Variants in IL26 observed in about 807,000 individuals in gnomAD.
The protein encoded by IL26 is interleukin-26.
In IL26, 23 loss-of-function variants were observed where a neutral mutation model predicts 21.7. The observed-to-expected ratio is 1.06, with a 90% CI of 0.76 to 1.50. The LOEUF (loss-of-function observed/expected upper bound fraction) is 1.50, where lower values mean the gene tolerates loss of function less well. IL26 is among the 40% of genes most tolerant of loss of function. The pLI, the probability that IL26 is intolerant of heterozygous loss-of-function variation, is 0.00. For synonymous variants in IL26, 63 were observed against 67.8 expected, an observed-to-expected ratio of 0.93 and a Z score of 0.34; for missense variants, 204 against 196.0, an observed-to-expected ratio of 1.04 and a Z score of -0.24.
intron 3 of IL26, among the ~76,000 whole-genome samples, chr12:68,209,269 T>C (rs1321748953): frequency 1.3e-5 from 2 of 151,854 alleles, no homozygotes; most frequent in African/African-American, 2.4e-5. Flanking sequence ...CCAACACGAG[T>C]ACGGAGGCTG....
chr12:68,206,963 A>C (rs1287147492), intron 3 of IL26, among the ~76,000 whole-genome samples: 3 of 152,074 alleles, frequency 2.0e-5, no homozygotes, highest in Admixed American at 6.5e-5. Context: ...GCAGCTGTAG[A>C]TCCTTCATCT....
intron 3 of IL26, among the ~76,000 whole-genome samples, chr12:68,211,398 T>A (rs1868724922): frequency 1.3e-5 from 2 of 152,228 alleles, no homozygotes; most frequent in South Asian, 4.1e-4. Flanking sequence ...AAGAAATTGA[T>A]TTCCTTTCTT....
At chr12:68,223,072 T>C (rs1869104337) in intron 3 of IL26, among the ~76,000 whole-genome samples, 2 of 152,198 alleles carry the variant, frequency 1.3e-5, no homozygotes, top group African/African-American at 4.8e-5. Flanking sequence ...TGAAACATTA[T>C]AGACACCAGG....
At chr12:68,211,519 C>G (rs1868729470) in intron 3 of IL26, among the ~76,000 whole-genome samples, 1 of 152,142 alleles carries the variant, frequency 6.6e-6, no homozygotes, top group Non-Finnish European at 1.5e-5. Context: ...TTTACATTCC[C>G]ACCAACAGTG....
At chr12:68,209,239 G>A (rs1294254493) in intron 3 of IL26, among the ~76,000 whole-genome samples, 2 of 152,200 alleles carry the variant, frequency 1.3e-5, no homozygotes, top group Admixed American at 6.5e-5. Flanking sequence ...CAGTTTGAGA[G>A]AGAAAGTGAG....
chr12:68,223,438 C>G (rs1252046418), intron 3 of IL26, among the ~76,000 whole-genome samples: 1 of 152,166 alleles, frequency 6.6e-6, no homozygotes, highest in Admixed American at 6.6e-5. Context: ...CTAGACATAT[C>G]CAGGTTTCCT....
At chr12:68,224,264 T>C (rs1187299766) in intron 3 of IL26, among the ~76,000 whole-genome samples, 1 of 151,910 alleles carries the variant, frequency 6.6e-6, no homozygotes, top group Non-Finnish European at 1.5e-5. Flanking sequence ...CGACTAACAT[T>C]GCACAGATTC....
chr12:68,224,014 A>G (rs1565740638), intron 3 of IL26, among the ~76,000 whole-genome samples: 1 of 146,014 alleles, frequency 6.8e-6, no homozygotes, highest in African/African-American at 2.6e-5. Flanking sequence ...CAAGAAAAAA[A>G]CATCTTAACT....
intron 3 of IL26, among the ~76,000 whole-genome samples, chr12:68,221,820 G>T (rs936507511): frequency 6.6e-6 from 1 of 152,096 alleles, no homozygotes; most frequent in Non-Finnish European, 1.5e-5. Flanking sequence ...TGGTAATATA[G>T]TACATAAGTA....
chr12:68,225,458 T>A lies in IL26; in HGVS notation c.214A>T (p.Lys72Ter). The A allele has an allele frequency of 6.3e-7, 1 of 1,584,036 alleles. No homozygotes were observed. Among genetic ancestry groups the A allele is most frequent in the Non-Finnish European group, 8.7e-7 (1 of 1,153,936 alleles). The change falls in exon 2 of 5, where the codon AAA becomes TAA. Residue 72 changes from lysine (K) to a stop codon, truncating the protein, a stop_gained. Coordinates refer to ENST00000229134, the MANE Select transcript of IL26 (RefSeq NM_018402.2). LOFTEE classifies it high-confidence loss of function. ...TTCTGACTTACCATAAACTGCTTTT[T>A]TGTTTTCTTTTTTAATAATCGTATA... ...KNIRLLKKKT[K>*]KQFMKNCQFQ...
chr12:68,216,348 T>C (rs796547324), intron 3 of IL26, among the ~76,000 whole-genome samples: 9 of 152,292 alleles, frequency 5.9e-5, no homozygotes, highest in African/African-American at 2.2e-4. Context: ...ATAATACTAA[T>C]TTTAAGCACT....
chr12:68,223,686 A>G (rs1166555087), intron 3 of IL26, among the ~76,000 whole-genome samples: 2 of 152,174 alleles, frequency 1.3e-5, no homozygotes, highest in Non-Finnish European at 2.9e-5. Context: ...TTAAGCATAG[A>G]ACAAAATTTC....
chr12:68,217,674 C>T (rs1328967903), intron 3 of IL26, among the ~76,000 whole-genome samples: 2 of 152,008 alleles, frequency 1.3e-5, no homozygotes, highest in African/African-American at 4.8e-5. Context: ...TTGTTATCAT[C>T]GTAAAAATAA....
intron 3 of IL26, among the ~76,000 whole-genome samples, chr12:68,202,552 G>A (rs1243147429): frequency 6.6e-6 from 1 of 152,160 alleles, no homozygotes; most frequent in Non-Finnish European, 1.5e-5. Context: ...GGGAAACCAA[G>A]GCACATCTTA....
chr12:68,221,820 G>A (rs936507511), intron 3 of IL26, among the ~76,000 whole-genome samples: 1 of 152,096 alleles, frequency 6.6e-6, no homozygotes, highest in Non-Finnish European at 1.5e-5. Flanking sequence ...TGGTAATATA[G>A]TACATAAGTA....
chr12:68,206,182 T>C (rs1395802181), intron 3 of IL26, among the ~76,000 whole-genome samples: 1 of 152,254 alleles, frequency 6.6e-6, no homozygotes, highest in African/African-American at 2.4e-5. Context: ...TTGATGACTT[T>C]CATGTTTTTT....
intron 3 of IL26, among the ~76,000 whole-genome samples, chr12:68,215,833 A>G (rs1401349218): frequency 6.6e-6 from 1 of 151,726 alleles, no homozygotes; most frequent in Non-Finnish European, 1.5e-5. Flanking sequence ...TATCCAGATA[A>G]CTTTTTATTT....
intron 3 of IL26, among the ~76,000 whole-genome samples, chr12:68,209,849 G>A (rs947836003): frequency 1.3e-5 from 2 of 152,054 alleles, no homozygotes; most frequent in South Asian, 2.1e-4. Flanking sequence ...GCATTCTCAC[G>A]GAGAATGGCC....
At chr12:68,224,288 TTG>T (rs1491081639) in intron 3 of IL26, among the ~76,000 whole-genome samples, 1 of 55,928 alleles carries the variant, frequency 1.8e-5, no homozygotes, top group Non-Finnish European at 2.7e-5. Context: ...CTCAGTGTTT[TTG>T]TTTTGTTTTG....
Sources: gnomAD v4.1 joint callset for allele counts (sites outside exome capture counted in the v4.1 genomes callset) on GRCh38, gnomAD v4.1.1 for gene constraint, MANE v1.5 for transcripts, NCBI Gene and HGNC (gene_info 2026-07-23, HGNC 2026-07-21) for gene names.